Variants in DLGAP1 observed in about 807,000 individuals in gnomAD.
The protein encoded by DLGAP1 is disks large-associated protein 1.
In DLGAP1, 11 loss-of-function variants were observed where a neutral mutation model predicts 90.8. The ratio of observed to expected loss-of-function variants is 0.12; its 90% confidence interval spans 0.08 to 0.20. DLGAP1 has a LOEUF of 0.20. DLGAP1 is among the 10% of genes least tolerant of loss of function. DLGAP1 has a pLI of 1.00. For missense variants in DLGAP1, 1,050 were observed against 1,333.8 expected, an observed-to-expected ratio of 0.79 and a Z score of 3.31; for synonymous variants, 558 against 540.7, an observed-to-expected ratio of 1.03 and a Z score of -0.44.
chr18:4,341,006 T>C (rs747056619), intron 1 of DLGAP1, among the ~76,000 whole-genome samples: 1 of 151,966 alleles, frequency 6.6e-6, no homozygotes, highest in Non-Finnish European at 1.5e-5. Flanking sequence ...AAATAAGAGA[T>C]TACATATGAA....
rs10597845 is a variant in DLGAP1 at position 4,079,691 on chromosome 18, A to AATATAT, written c.-159+71483_-159+71488dup. Among the ~76,000 whole-genome samples, 758 of 146,574 alleles carry AATATAT rather than the reference A, an allele frequency of 5.2e-3. 5 individuals are homozygous for AATATAT. Among genetic ancestry groups the AATATAT allele is most frequent in the African/African-American group, 0.017 (679 of 39,886 alleles). Reference sequence around the variant, plus strand: ...TGTACACCAAAAGCTATTGAAATTAAATATATATATATATATATATATAAA... The same window carrying AATATAT: ...TGTACACCAAAAGCTATTGAAATTAAATATATATATATATATATATATATATATAAA... On this transcript the variant is annotated intron_variant, in intron 2 of 12. Coordinates refer to ENST00000315677, the MANE Select transcript of DLGAP1 (RefSeq NM_004746.4).
Position 4,078,406 on chromosome 18 carries a change from G to T in DLGAP1, c.-159+72774C>A, listed in dbSNP as rs188976307. 1.5e-3 allele frequency among the ~76,000 whole-genome samples: 235 copies of T among 152,240 alleles called. 4 individuals are homozygous for T. In the South Asian group the frequency reaches 0.029, roughly 19 times the overall value. On this transcript the variant is annotated intron_variant, in intron 2 of 12. Coordinates refer to ENST00000315677, the MANE Select transcript of DLGAP1 (RefSeq NM_004746.4). The stretch of plus-strand genomic sequence containing the variant: ...ATAGATGGCCAAGTGTAAGACAAAT[G>T]ACCATAAAGCACACAGAGAATCTCC...
At chr18:3,793,517 T>C (rs1422492067) in intron 5 of DLGAP1, among the ~76,000 whole-genome samples, 1 of 152,174 alleles carries the variant, frequency 6.6e-6, no homozygotes, top group Non-Finnish European at 1.5e-5. Flanking sequence ...TTCTTCTTGA[T>C]AGAGCAGCCA....
At chr18:4,311,907 G>T (rs1432082537) in intron 1 of DLGAP1, among the ~76,000 whole-genome samples, 2 of 152,162 alleles carry the variant, frequency 1.3e-5, no homozygotes, top group Admixed American at 6.5e-5. Flanking sequence ...GTAGAGACAA[G>T]GTTTCACCCT....
At chr18:3,908,603 A>T (rs73940278) in intron 3 of DLGAP1, among the ~76,000 whole-genome samples, 1,615 of 152,264 alleles carry the variant, frequency 0.011, 28 homozygotes, top group African/African-American at 0.036. Flanking sequence ...TTTAATAGAT[A>T]CACTATTTAT....
At chr18:3,784,300 A>C (rs1598736110) in intron 5 of DLGAP1, among the ~76,000 whole-genome samples, 1 of 148,570 alleles carries the variant, frequency 6.7e-6, no homozygotes. Flanking sequence ...TCTTTCTTGG[A>C]CCCCCCCTAG....
intron 4 of DLGAP1, among the ~76,000 whole-genome samples, chr18:3,841,386 T>C (rs528723500): frequency 6.6e-6 from 1 of 152,262 alleles, no homozygotes; most frequent in East Asian, 1.9e-4. Context: ...GTACTTTCAG[T>C]TTAATTTAAG....
chr18:3,678,000 C>T (rs185744115), intron 7 of DLGAP1, among the ~76,000 whole-genome samples: 23 of 137,956 alleles, frequency 1.7e-4, no homozygotes, highest in Admixed American at 3.9e-4. Flanking sequence ...CTAGCTCTGT[C>T]GCCCAGGCTG....
intron 1 of DLGAP1, among the ~76,000 whole-genome samples, chr18:4,339,707 A>T (rs2081147490): frequency 2.0e-5 from 3 of 152,172 alleles, no homozygotes; most frequent in Non-Finnish European, 4.4e-5. Context: ...AGGAACTCTG[A>T]ATCTTCCAGA....
At chr18:3,707,935 T>C (rs753429723) in intron 7 of DLGAP1, among the ~76,000 whole-genome samples, 17 of 152,122 alleles carry the variant, frequency 1.1e-4, no homozygotes, top group Non-Finnish European at 1.9e-4. Context: ...GCAATCTCTT[T>C]TGAAATTCAG....
chr18:4,028,728 C>T (rs1309612802), intron 2 of DLGAP1, among the ~76,000 whole-genome samples: 4 of 151,710 alleles, frequency 2.6e-5, no homozygotes, highest in South Asian at 4.2e-4. Context: ...AGTGTAATTA[C>T]ATTTTCCAGA....
At chr18:4,086,876 T>C (rs542169649) in intron 2 of DLGAP1, among the ~76,000 whole-genome samples, 58 of 151,872 alleles carry the variant, frequency 3.8e-4, no homozygotes, top group African/African-American at 1.4e-3. Context: ...AAAATTTCCA[T>C]TATAATTGTG....
intron 4 of DLGAP1, among the ~76,000 whole-genome samples, chr18:3,821,288 CAAAAAAAAA>C (rs56279066): frequency 4.1e-5 from 3 of 72,718 alleles, no homozygotes; most frequent in African/African-American, 1.4e-4. Context: ...GACTCTGTGT[CAAAAAAAAA>C]AAAAAAAAAA....
At chr18:3,580,066 A>C in intron 8 of DLGAP1, 1 of 716,782 alleles carries the variant, frequency 1.4e-6, no homozygotes, top group Non-Finnish European at 2.4e-6. Context: ...CTCATGTTTG[A>C]TTGTGTTCAT....
At chr18:3,500,615 T>C (rs972631737) in intron 12 of DLGAP1, among the ~76,000 whole-genome samples, 6 of 152,004 alleles carry the variant, frequency 3.9e-5, no homozygotes, top group African/African-American at 1.2e-4. Flanking sequence ...GAGCCTGGAG[T>C]GCAAACTATA....
chr18:3,808,322 G>C (rs923918702), intron 5 of DLGAP1, among the ~76,000 whole-genome samples: 1 of 151,280 alleles, frequency 6.6e-6, no homozygotes, highest in South Asian at 2.1e-4. Context: ...GTCAGGTCGC[G>C]TTTCTTATTA....
chr18:4,390,598 G>A (rs1384347252), intron 1 of DLGAP1, among the ~76,000 whole-genome samples: 5 of 152,194 alleles, frequency 3.3e-5, no homozygotes, highest in African/African-American at 1.2e-4. Flanking sequence ...TTTCTAGAAC[G>A]TCATACAGTT....
chr18:4,047,847 G>A (rs2075076858), intron 2 of DLGAP1, among the ~76,000 whole-genome samples: 1 of 152,168 alleles, frequency 6.6e-6, no homozygotes, highest in African/African-American at 2.4e-5. Context: ...CCTGGTTGGA[G>A]TACAGTGGTT....
At chr18:3,889,053 C>T (rs994857) in intron 3 of DLGAP1, among the ~76,000 whole-genome samples, 3 of 151,812 alleles carry the variant, frequency 2.0e-5, no homozygotes, top group Non-Finnish European at 4.4e-5. Flanking sequence ...CTGTCTTATG[C>T]GGGTACAATT....
Sources: allele counts gnomAD v4.1 joint callset (sites outside exome capture counted in the v4.1 genomes callset), GRCh38; gene constraint gnomAD v4.1.1; transcripts MANE v1.5; gene names NCBI Gene and HGNC (gene_info 2026-07-23, HGNC 2026-07-21).